Variants in LAPTM4A observed in about 807,000 individuals in gnomAD.
The protein encoded by LAPTM4A is lysosomal-associated transmembrane protein 4A.
LAPTM4A carries 19 observed loss-of-function variants against 29.9 expected under a neutral mutation model. The ratio of observed to expected loss-of-function variants is 0.64; its 90% CI spans 0.44 to 0.93. The LOEUF is 0.93. Among genes scored for constraint, LAPTM4A ranks in the 40% least tolerant of loss-of-function variants. The probability of loss-of-function intolerance (pLI) is 0.00; values close to 1 mark genes in which losing one functional copy is unlikely to be tolerated. For synonymous variants in LAPTM4A, 105 were observed against 102.1 expected (o/e 1.03, Z -0.17); for missense variants, 293 against 288.5 (o/e 1.02, Z -0.11).
At chr2:20,033,365 A>C in intron 6 of LAPTM4A, 86 bp from the exon 7 acceptor site, 1 of 1,027,442 alleles carries the variant, frequency 9.7e-7, no homozygotes, top group Non-Finnish European at 1.5e-6. Flanking sequence ...TTTATGCCCT[A>C]AATAGGGTTA....
At position 20,040,992 on chromosome 2, in the gene LAPTM4A, GCCATCAATAGGTTTACTA is replaced by G. The variant is rs1168193496; in HGVS notation, c.113_130del (p.Val38_Met43del). The G allele has an allele frequency of 6.2e-7, 1 of 1,613,666 alleles. No homozygotes were observed. Among genetic ancestry groups the G allele is most frequent in the Non-Finnish European group, 8.5e-7 (1 of 1,179,654 alleles). On this transcript the variant is annotated inframe_deletion and splice_region_variant, in exon 2 of 7. Coordinates refer to ENST00000175091, the MANE Select transcript of LAPTM4A (RefSeq NM_014713.5). The stretch of plus-strand genomic sequence containing the variant: ...AGTCACTTCCACAGTCAGCAAAATT[GCCATCAATAGGTTTACTA>G]CCTGGAAAAGATAACATTCTATCAG...
rs181288189 is a variant in LAPTM4A at position 20,046,458 on chromosome 2, C to T, written c.111+4952G>A. ...CATTCAACAAATGTGTAATGAACAC[C>T]TCAAATGTTTTAATTAATAAGTTAG... is the stretch of plus-strand genomic sequence containing the variant. On this transcript the variant is annotated intron_variant, in intron 1 of 6. Coordinates refer to ENST00000175091, the MANE Select transcript of LAPTM4A (RefSeq NM_014713.5). Among the ~76,000 whole-genome samples, 71 of 151,782 alleles carry T rather than the reference C, an allele frequency of 4.7e-4. 1 individual carries two copies. Among genetic ancestry groups the T allele is most frequent in the African/African-American group, 1.7e-3 (70 of 41,368 alleles).
Position 20,032,838 on chromosome 2 carries a change from T to C in LAPTM4A, c.*367A>G, listed in dbSNP as rs1433632788. 2 of 196,734 alleles carry C rather than the reference T, an allele frequency of 1.0e-5. No individual in the cohort carries two copies. Among genetic ancestry groups the C allele is most frequent in the Non-Finnish European group, 2.1e-5 (2 of 94,712 alleles). The allele number at this position is 196,734 out of a possible 1,614,324, so 12.2% of individuals were successfully genotyped here. On this transcript the variant is annotated 3_prime_UTR_variant, in exon 7 of 7. Transcript: ENST00000175091. ...CCCCGAATATTTAAGTCAGTCTTCC[T>C]GAAAGTACTCAGGGTAGCAAGTAAC...
intron 1 of LAPTM4A, among the ~76,000 whole-genome samples, chr2:20,043,841 T>C (rs1056962411): frequency 2.6e-5 from 4 of 151,490 alleles, no homozygotes; most frequent in African/African-American, 9.7e-5. Flanking sequence ...TCAGTAAAGC[T>C]ATATAACTTG....
chr2:20,051,566 C>A lies in LAPTM4A; in HGVS notation c.-46G>T, dbSNP rs1326686470. 4.0e-6 allele frequency: 5 copies of A among 1,262,762 alleles called. No individual in the cohort carries two copies. Among genetic ancestry groups the A allele is most frequent in the South Asian group, 1.3e-5 (1 of 77,116 alleles). The allele number at this position is 1,262,762 out of a possible 1,614,324, so 78.2% of individuals were successfully genotyped here. A position where few individuals can be genotyped will look rare whatever the true frequency, so the allele number is the denominator to read the frequency against. On this transcript the variant is annotated 5_prime_UTR_variant, in exon 1 of 7. Transcript: ENST00000175091. ...CTTGGCCGGGCCCCTGACAAACGTTCTCCACCCGCAGCCAAACTCAAACGG... is the reference window on the plus strand; with the variant it reads ...CTTGGCCGGGCCCCTGACAAACGTTATCCACCCGCAGCCAAACTCAAACGG...
chr2:20,035,637 C>T (rs769540906), intron 4 of LAPTM4A, among the ~76,000 whole-genome samples: 1 of 152,168 alleles, frequency 6.6e-6, no homozygotes, highest in Non-Finnish European at 1.5e-5. Context: ...ACTTAATCAG[C>T]CCTGACTGTG....
chr2:20,037,341 C>G lies in LAPTM4A; in HGVS notation c.407G>C (p.Arg136Thr), dbSNP rs748773180. ...VAISSLTYLP[R>T]IKEYLDQLPD... ...TAGTTGATCCAGATATTCTTTGATT[C>G]TTGGCAAATAGGTGAGAGAACTAAT... Residue 136 changes from arginine (R) to threonine (T), a missense_variant, in exon 4 of 7, where the codon AGA (arginine) becomes ACA (threonine). Arg to Thr is a moderately conservative substitution (Grantham distance 71). Coordinates refer to ENST00000175091, the MANE Select transcript of LAPTM4A (RefSeq NM_014713.5). 2 of 1,612,514 alleles carry G rather than the reference C, an allele frequency of 1.2e-6. No homozygotes were observed. The highest frequency in any genetic ancestry group is 2.2e-5 in the South Asian group (2 of 90,906).
intron 1 of LAPTM4A, among the ~76,000 whole-genome samples, chr2:20,044,644 C>T (rs1052078788): frequency 2.0e-5 from 3 of 152,158 alleles, no homozygotes; most frequent in Non-Finnish European, 4.4e-5. Context: ...ATAAGTCACA[C>T]GCTCATCCAC....
At chr2:20,035,101 C>A in intron 4 of LAPTM4A, 39 bp from the exon 5 acceptor site, 1 of 1,367,308 alleles carries the variant, frequency 7.3e-7, no homozygotes, top group African/African-American at 1.4e-5. Flanking sequence ...AGTCAGCCAT[C>A]GCACTAGCAC....
intron 2 of LAPTM4A, 32 bp from the exon 3 acceptor site, chr2:20,037,646 C>T: frequency 7.1e-7 from 1 of 1,399,898 alleles, no homozygotes; most frequent in Non-Finnish European, 9.9e-7. Flanking sequence ...TCTAATTAAG[C>T]TACTTACACA....
Position 20,035,043 on chromosome 2 carries a change from T to C in LAPTM4A, c.452A>G (p.Asp151Gly). The C allele has an allele frequency of 1.9e-6, 3 of 1,612,156 alleles. No homozygotes were observed. Among genetic ancestry groups the C allele is most frequent in the Non-Finnish European group, 2.5e-6 (3 of 1,178,610 alleles). Residue 151 changes from aspartate to glycine, a missense_variant, in exon 5 of 7, where the codon GAT becomes GGT. By Grantham distance (94) the Asp-to-Gly change is moderately conservative. Coordinates refer to ENST00000175091, the MANE Select transcript of LAPTM4A (RefSeq NM_014713.5). ...LDQLPDFPYK[D>G]DLLALDSSCL... The stretch of plus-strand genomic sequence containing the variant: ...GCTGGAGTCCAAGGCCAGGAGGTCA[T>C]CTTTGTAGGGAAAATCAGGCTATTA...
At chr2:20,046,683 G>A (rs1431958843) in intron 1 of LAPTM4A, among the ~76,000 whole-genome samples, 1 of 144,150 alleles carries the variant, frequency 6.9e-6, no homozygotes, top group Non-Finnish European at 1.5e-5. Context: ...GTATGTGTGT[G>A]TGTATATATA....
At chr2:20,047,684 G>A (rs962309583) in intron 1 of LAPTM4A, among the ~76,000 whole-genome samples, 49 of 104,860 alleles carry the variant, frequency 4.7e-4, no homozygotes, top group African/African-American at 1.4e-3. Flanking sequence ...GCGACAGAGC[G>A]AGACTCCGTC....
At chr2:20,035,402 A>T (rs1261010750) in intron 4 of LAPTM4A, among the ~76,000 whole-genome samples, 1 of 152,186 alleles carries the variant, frequency 6.6e-6, no homozygotes, top group Non-Finnish European at 1.5e-5. Context: ...TGTCACTTGC[A>T]TCATTAACTC....
At position 20,034,298 on chromosome 2, in the gene LAPTM4A, C is replaced by T; in HGVS notation, c.627+19G>A. 6.5e-7 allele frequency: 1 copy of T among 1,539,812 alleles called. No homozygotes were observed. The highest frequency in any genetic ancestry group is 9.0e-7 in the Non-Finnish European group (1 of 1,112,304). On this transcript the variant is annotated intron_variant, in intron 6 of 6. Transcript: ENST00000175091. The stretch of plus-strand genomic sequence containing the variant: ...CAATAGTGACTGGTGACCTTTTACT[C>T]TATCCAACAGTAGCTAACCTGAGGA...
At chr2:20,034,466 C>T in intron 5 of LAPTM4A, 51 bp from the exon 6 acceptor site, 1 of 1,242,778 alleles carries the variant, frequency 8.0e-7, no homozygotes, top group Non-Finnish European at 1.2e-6. Context: ...AACAGACTAC[C>T]TGCTCTAAAA....
intron 1 of LAPTM4A, among the ~76,000 whole-genome samples, chr2:20,047,292 G>A (rs987766094): frequency 3.3e-5 from 5 of 151,524 alleles, no homozygotes; most frequent in Admixed American, 3.3e-4. Flanking sequence ...GGAGGCTGGG[G>A]CAGAGGAATC....
intron 1 of LAPTM4A, among the ~76,000 whole-genome samples, chr2:20,041,700 G>A (rs1379591037): frequency 6.6e-6 from 1 of 152,066 alleles, no homozygotes; most frequent in Admixed American, 6.6e-5. Context: ...ATACGCGGGT[G>A]ATTTTTGTAT....
At chr2:20,041,984 C>T (rs185530396) in intron 1 of LAPTM4A, among the ~76,000 whole-genome samples, 10 of 152,332 alleles carry the variant, frequency 6.6e-5, no homozygotes, top group Non-Finnish European at 1.3e-4. Flanking sequence ...CTACCTATTT[C>T]CCTTTTGTCT....
Sources: allele counts gnomAD v4.1 joint callset (sites outside exome capture counted in the v4.1 genomes callset), GRCh38; gene constraint gnomAD v4.1.1; transcripts MANE v1.5; gene names NCBI Gene and HGNC (gene_info 2026-07-23, HGNC 2026-07-21).